AGMO: variants seen among roughly 807,000 people sequenced by gnomAD.
AGMO encodes the protein alkylglycerol monooxygenase, also known as glyceryl-ether monooxygenase.
AGMO carries 75 observed loss-of-function variants against 60.2 expected under a neutral mutation model. The observed-to-expected ratio is 1.25, with a 90% CI of 1.03 to 1.51. The LOEUF (loss-of-function observed/expected upper bound fraction) is 1.51, where lower values mean the gene tolerates loss of function less well. AGMO is among the 40% of genes most tolerant of loss of function. AGMO has a pLI of 0.00. For missense variants in AGMO, 763 were observed against 525.5 expected, an observed-to-expected ratio of 1.45 and a Z score of -4.42; for synonymous variants, 261 against 177.1, an observed-to-expected ratio of 1.47 and a Z score of -3.76.
At chr7:15,446,650 G>A (rs1425969441) in intron 3 of AGMO, among the ~76,000 whole-genome samples, 1 of 152,174 alleles carries the variant, frequency 6.6e-6, no homozygotes, top group Non-Finnish European at 1.5e-5. Flanking sequence ...AGAATAGATT[G>A]CATTTAGTTG....
chr7:15,233,453 G>A (rs150795682), intron 12 of AGMO, among the ~76,000 whole-genome samples: 16 of 152,198 alleles, frequency 1.1e-4, no homozygotes, highest in African/African-American at 3.4e-4. Flanking sequence ...ATTCGAATAC[G>A]GAGAAGCAGT....
chr7:15,395,985 C>A (rs1221423637), intron 5 of AGMO: 1 of 152,170 alleles, frequency 6.6e-6, no homozygotes, highest in Non-Finnish European at 1.5e-5. Flanking sequence ...AAAGCGGATC[C>A]TTCTCTGGGA....
At chr7:15,417,254 C>T (rs930468133) in intron 5 of AGMO, among the ~76,000 whole-genome samples, 2 of 152,128 alleles carry the variant, frequency 1.3e-5, no homozygotes, top group Non-Finnish European at 2.9e-5. Context: ...AATGAAGCCA[C>T]TTGGAGGTTC....
In AGMO at chr7:15,507,562, A is replaced by G. The variant is rs973382934; in HGVS notation, c.409+37210T>C. ...ACAAATAAATTACAAGGAAATGGAA[A>G]TGGAACTTATGGTTTAAAATAAATT... is the stretch of plus-strand genomic sequence containing the variant. On this transcript the variant is annotated intron_variant, in intron 3 of 12. Transcript: ENST00000342526. Among the ~76,000 whole-genome samples the G allele has an allele frequency of 2.0e-5, 3 of 152,248 alleles. No homozygotes were observed. In the East Asian group the frequency reaches 5.8e-4, roughly 29 times the overall value.
intron 10 of AGMO, among the ~76,000 whole-genome samples, chr7:15,369,405 C>T (rs1005885901): frequency 5.9e-5 from 9 of 152,056 alleles, no homozygotes; most frequent in African/African-American, 2.2e-4. Context: ...ACTATTAATC[C>T]CTAGTGTTCT....
chr7:15,391,397 A>G (rs1784131573), intron 6 of AGMO, among the ~76,000 whole-genome samples: 1 of 152,162 alleles, frequency 6.6e-6, no homozygotes, highest in South Asian at 2.1e-4. Context: ...GCCACAGTAA[A>G]AAATAAACTA....
intron 12 of AGMO, among the ~76,000 whole-genome samples, chr7:15,303,802 G>T (rs1299772031): frequency 1.3e-5 from 2 of 152,062 alleles, no homozygotes; most frequent in African/African-American, 2.4e-5. Context: ...GGAAATACAT[G>T]TATGTATACT....
At chr7:15,195,854 C>G (rs1164908150), downstream of AGMO, among the ~76,000 whole-genome samples, 1 of 152,116 alleles carries the variant, frequency 6.6e-6, no homozygotes, top group African/African-American at 2.4e-5. Flanking sequence ...TAATAATCTT[C>G]CATTAAAAAT....
chr7:15,234,646 G>C (rs1407862603), intron 12 of AGMO, among the ~76,000 whole-genome samples: 1 of 152,110 alleles, frequency 6.6e-6, no homozygotes, highest in African/African-American at 2.4e-5. Flanking sequence ...AATATTTCAG[G>C]CTTAGCAGGC....
At chr7:15,506,597 C>A (rs1783518004) in intron 3 of AGMO, among the ~76,000 whole-genome samples, 2 of 151,914 alleles carry the variant, frequency 1.3e-5, no homozygotes, top group Non-Finnish European at 2.9e-5. Flanking sequence ...GTTTGTGTAA[C>A]AAGAACAAAA....
At chr7:15,410,028 C>A (rs1248379375) in intron 5 of AGMO, among the ~76,000 whole-genome samples, 2 of 151,460 alleles carry the variant, frequency 1.3e-5, no homozygotes, top group Non-Finnish European at 3.0e-5. Context: ...AGAAATGATA[C>A]TCATTAAATT....
At chr7:15,367,602 A>ATT in intron 10 of AGMO, among the ~76,000 whole-genome samples, 1 of 152,136 alleles carries the variant, frequency 6.6e-6, no homozygotes, top group Non-Finnish European at 1.5e-5. Flanking sequence ...TATGAGCAAT[A>ATT]GATTTAAAGG....
chr7:15,478,365 A>T (rs1782652608), intron 3 of AGMO, among the ~76,000 whole-genome samples: 1 of 152,038 alleles, frequency 6.6e-6, no homozygotes, highest in African/African-American at 2.4e-5. Flanking sequence ...TCTTTCTTTA[A>T]GAAGAAGAAC....
intron 12 of AGMO, among the ~76,000 whole-genome samples, chr7:15,298,518 C>G (rs771564687): frequency 6.6e-6 from 1 of 152,068 alleles, no homozygotes; most frequent in African/African-American, 2.4e-5. Flanking sequence ...CCTAAGCCTC[C>G]CAAGTAGCTG....
intron 12 of AGMO, among the ~76,000 whole-genome samples, chr7:15,250,712 G>C (rs937496820): frequency 1.3e-5 from 2 of 152,088 alleles, no homozygotes; most frequent in African/African-American, 2.4e-5. Context: ...AGCTGAGGCA[G>C]GTGGATCACC....
At chr7:15,117,667 G>A in the AGMO span, among the ~76,000 whole-genome samples, 334 of 152,018 alleles carry the variant, frequency 2.2e-3, 1 homozygote, top group African/African-American at 7.6e-3. Flanking sequence ...CTCCTTGAAC[G>A]TGAAATTTTT....
intron 12 of AGMO, among the ~76,000 whole-genome samples, chr7:15,355,440 T>G (rs1361453878): frequency 7.2e-6 from 1 of 139,278 alleles, no homozygotes. Flanking sequence ...GAGGTGGAGC[T>G]TGCAGTGAGC....
chr7:15,129,987 G>A, the AGMO span, among the ~76,000 whole-genome samples: 1 of 152,084 alleles, frequency 6.6e-6, no homozygotes, highest in Non-Finnish European at 1.5e-5. Context: ...TAGAAAGCCT[G>A]TATTGTATAA....
At chr7:15,496,955 C>T (rs144489796) in intron 3 of AGMO, among the ~76,000 whole-genome samples, 2 of 152,262 alleles carry the variant, frequency 1.3e-5, no homozygotes, top group East Asian at 3.9e-4. Flanking sequence ...GAGCCTATTT[C>T]TCTACTATCC....
Sources: gnomAD v4.1 joint callset for allele counts (sites outside exome capture counted in the v4.1 genomes callset) on GRCh38, gnomAD v4.1.1 for gene constraint, MANE v1.5 for transcripts, NCBI Gene and HGNC (gene_info 2026-07-23, HGNC 2026-07-21) for gene names.